SYNE1: variants seen among roughly 807,000 people sequenced by gnomAD.
SYNE1 encodes spectrin repeat containing nuclear envelope protein 1.
SYNE1 carries 616 observed loss-of-function variants against 1,111.0 expected under a neutral mutation model. The observed-to-expected ratio is 0.55, with a 90% CI of 0.52 to 0.59. SYNE1 has a LOEUF of 0.59. Ranked by LOEUF, SYNE1 falls within the 20% of genes least tolerant of loss-of-function variation. SYNE1 has a pLI of 0.00. For synonymous variants in SYNE1, 3,855 were observed against 3,825.8 expected (o/e 1.01, Z -0.28); for missense variants, 10,006 against 10,417.0 (o/e 0.96, Z 1.72).
Position 152,465,385 on chromosome 6 carries a change from C to T in SYNE1, c.1805G>A (p.Arg602Lys), listed in dbSNP as rs754564742. The change falls in exon 18 of 146, where the codon AGG becomes AAG. Residue 602 changes from arginine to lysine, a missense_variant. Transcript: ENST00000367255. ...AQWRNLSVEV[R>K]SVRSMLEEVI... ...TTCTTCCAGCATGCTCCTCACACTC[C>T]TCACTTCTACTGAGAGATTCCTCCA... The T allele has an allele frequency of 2.5e-6, 4 of 1,613,828 alleles. No homozygotes were observed. In the East Asian group the frequency reaches 8.9e-5, roughly 36 times the overall value.
At chr6:152,536,271 A>T (rs1021147257) in intron 4 of SYNE1, among the ~76,000 whole-genome samples, 1 of 148,448 alleles carries the variant, frequency 6.7e-6, no homozygotes, top group Non-Finnish European at 1.5e-5. Context: ...CAGGCTCATG[A>T]CCACCCTTTA....
chr6:152,456,768 C>T (rs1199084742), intron 22 of SYNE1: 3 of 447,780 alleles, frequency 6.7e-6, no homozygotes, highest in Admixed American at 2.5e-5. Context: ...CATTTTTTGG[C>T]TTGAATTACA....
rs557843413 is a variant in SYNE1 at position 152,352,030 on chromosome 6, G to A, written c.11577C>T (p.Tyr3859=). 1.2e-6 allele frequency: 2 copies of A among 1,613,792 alleles called. No homozygotes were observed. Among genetic ancestry groups the A allele is most frequent in the South Asian group, 2.2e-5 (2 of 91,008 alleles). Residue 3859 remains tyrosine (Y), a synonymous_variant, in exon 70 of 146, where the codon TAC becomes TAT. Transcript: ENST00000367255. ...TGTCAATGAGTAAACACACTACCTTGTATTTAGATAACTGAGCTTTTTTCT... is the reference window on the plus strand; with the variant it reads ...TGTCAATGAGTAAACACACTACCTTATATTTAGATAACTGAGCTTTTTTCT... ...LYEKKAQLSK[Y]KSLQQTVLSH...
chr6:152,303,402 CA>C (rs373230705), intron 91 of SYNE1, among the ~76,000 whole-genome samples: 183 of 120,332 alleles, frequency 1.5e-3, no homozygotes, highest in Admixed American at 1.5e-3. Context: ...GACTCTGTCT[CA>C]AAAAAAAAAA....
intron 91 of SYNE1, among the ~76,000 whole-genome samples, chr6:152,304,653 G>A (rs183996683): frequency 6.6e-6 from 1 of 152,314 alleles, no homozygotes; most frequent in East Asian, 1.9e-4. Flanking sequence ...AGTAGACAGA[G>A]TTAGTATTAG....
At chr6:152,532,120 C>T (rs1364338274) in intron 4 of SYNE1, among the ~76,000 whole-genome samples, 1 of 152,102 alleles carries the variant, frequency 6.6e-6, no homozygotes, top group Non-Finnish European at 1.5e-5. Context: ...GAATAGAAAC[C>T]TACTTTGAAA....
rs371729458 is a variant in SYNE1, at chr6:152,351,338, C to T, written c.11581-568G>A. Among the ~76,000 whole-genome samples, 24 of 152,268 alleles carry T rather than the reference C, an allele frequency of 1.6e-4. 1 individual carries two copies. The highest frequency in any genetic ancestry group is 7.2e-4 in the Admixed American group (11 of 15,284). On this transcript the variant is annotated intron_variant, in intron 70 of 145. Transcript: ENST00000367255. The stretch of plus-strand genomic sequence containing the variant: ...AGAAATAGACATTGGCTGGAAGAGG[C>T]CGTCACAGAAGCTTCCAACAGGGAA...
intron 14 of SYNE1, among the ~76,000 whole-genome samples, chr6:152,476,728 G>GT (rs1645039727): frequency 6.6e-6 from 1 of 152,006 alleles, no homozygotes; most frequent in Non-Finnish European, 1.5e-5. Context: ...AATTAGTCAG[G>GT]TGTGGTGGCC....
chr6:152,247,887 CACAT>C (rs1391827017), intron 105 of SYNE1, among the ~76,000 whole-genome samples: 2 of 149,428 alleles, frequency 1.3e-5, no homozygotes, highest in African/African-American at 5.0e-5. Context: ...CACACACACA[CACAT>C]ATTATATGTC....
chr6:152,226,679 C>G (rs114063668), intron 115 of SYNE1, among the ~76,000 whole-genome samples: 2,332 of 152,180 alleles, frequency 0.015, 46 homozygotes, highest in African/African-American at 0.054. Flanking sequence ...AGACTGCTAT[C>G]AACATTTTAT....
intron 140 of SYNE1, among the ~76,000 whole-genome samples, chr6:152,139,391 C>A (rs2057862971): frequency 6.6e-6 from 1 of 151,372 alleles, no homozygotes; most frequent in Non-Finnish European, 1.5e-5. Context: ...GGCAACACGG[C>A]AAAACCCCAT....
At chr6:152,554,925 G>C (rs1428046562) in intron 3 of SYNE1, among the ~76,000 whole-genome samples, 1 of 152,136 alleles carries the variant, frequency 6.6e-6, no homozygotes, top group Non-Finnish European at 1.5e-5. Context: ...TTGTAGGTAG[G>C]ACTTAAGTTC....
chr6:152,245,880 G>T (rs897537038), intron 105 of SYNE1, among the ~76,000 whole-genome samples: 14 of 152,224 alleles, frequency 9.2e-5, no homozygotes, highest in Non-Finnish European at 2.1e-4. Flanking sequence ...CTCTGGAGAA[G>T]GTAAAACAGA....
At chr6:152,443,521 C>A (rs1449657227) in intron 30 of SYNE1, among the ~76,000 whole-genome samples, 2 of 152,216 alleles carry the variant, frequency 1.3e-5, no homozygotes, top group Non-Finnish European at 2.9e-5. Flanking sequence ...GCCTCGGCCT[C>A]CCAAAGTGCT....
intron 78 of SYNE1, among the ~76,000 whole-genome samples, chr6:152,328,143 G>A (rs952531540): frequency 2.0e-5 from 3 of 152,042 alleles, no homozygotes; most frequent in Non-Finnish European, 4.4e-5. Flanking sequence ...CTTCTACAAA[G>A]AGGGACAGAG....
Position 152,433,926 on chromosome 6 carries a change from C to A in SYNE1, c.4330G>T (p.Val1444Leu), listed in dbSNP as rs894387056. The change falls in exon 34 of 146, where the codon GTG becomes TTG. Residue 1444 changes from valine (V) to leucine (L), a missense_variant. Val to Leu is a conservative substitution (Grantham distance 32, BLOSUM62 1). Transcript: ENST00000367255. The part of the protein sequence containing the change: ...LEEDIKTMEM[V>L]KTKWDHFGSN... ...CCAAAATGATCCCACTTGGTTTTCA[C>A]CATTTCCATGGTTTTAATACTAAAA... The A allele has an allele frequency of 6.2e-7, 1 of 1,613,410 alleles. No homozygotes were observed. The highest frequency in any genetic ancestry group is 8.5e-7 in the Non-Finnish European group (1 of 1,179,676).
intron 3 of SYNE1, among the ~76,000 whole-genome samples, chr6:152,578,619 T>C (rs1256268788): frequency 2.6e-5 from 4 of 152,082 alleles, no homozygotes; most frequent in African/African-American, 9.6e-5. Flanking sequence ...AAAACAAAAA[T>C]AAAAACAAAA....
chr6:152,343,156 CTT>C (rs11297257), intron 74 of SYNE1, among the ~76,000 whole-genome samples: 374 of 133,880 alleles, frequency 2.8e-3, no homozygotes, highest in African/African-American at 6.5e-3. Flanking sequence ...GTTTTCTTTT[CTT>C]TTTTTTTTTT....
chr6:152,295,859 T>G (rs979055385), intron 93 of SYNE1, among the ~76,000 whole-genome samples: 1 of 152,236 alleles, frequency 6.6e-6, no homozygotes, highest in Non-Finnish European at 1.5e-5. Flanking sequence ...TTTGTTGACT[T>G]TCTCTCTTCC....
Sources: gnomAD v4.1 joint callset for allele counts (sites outside exome capture counted in the v4.1 genomes callset) on GRCh38, gnomAD v4.1.1 for gene constraint, MANE v1.5 for transcripts, NCBI Gene and HGNC (gene_info 2026-07-23, HGNC 2026-07-21) for gene names.